Variants in AMDHD1 observed in about 807,000 individuals in gnomAD.
The protein encoded by AMDHD1 is probable imidazolonepropionase.
Under a neutral mutation model 44.1 loss-of-function variants are expected in AMDHD1, and 45 were observed. That is an observed-to-expected ratio of 1.02 (90% CI 0.80 to 1.31). AMDHD1 has a LOEUF of 1.31. Ranked by LOEUF, AMDHD1 falls within the 50% of genes most tolerant of loss-of-function variation. The pLI is 0.00. For synonymous variants in AMDHD1, 206 were observed against 205.0 expected (o/e 1.00, Z -0.04); for missense variants, 586 against 552.1 (o/e 1.06, Z -0.61).
chr12:95,958,757 TAAC>T (rs1014873814), intron 4 of AMDHD1, among the ~76,000 whole-genome samples: 3 of 152,166 alleles, frequency 2.0e-5, no homozygotes, highest in Admixed American at 2.0e-4. Context: ...TCTTGAGAAT[TAAC>T]AATAACTTGC....
In AMDHD1 at chr12:95,959,338, T is replaced by C. The variant is rs572456151; in HGVS notation, c.588-1060T>C. ...CCACCATGTGGTAGAGCTCTGTGTC[T>C]ACCAGACTCTAAAAGCCCAGGCTTT... On this transcript the variant is annotated intron_variant, in intron 4 of 8. Coordinates refer to ENST00000266736, the MANE Select transcript of AMDHD1 (RefSeq NM_152435.3). 5.3e-5 allele frequency among the ~76,000 whole-genome samples: 8 copies of C among 152,354 alleles called. No individual in the cohort carries two copies. The South Asian group carries it at 1.7e-3, about 32-fold the overall frequency.
intron 4 of AMDHD1, among the ~76,000 whole-genome samples, chr12:95,958,966 A>C (rs1592824650): frequency 2.6e-5 from 4 of 152,180 alleles, no homozygotes; most frequent in African/African-American, 9.7e-5. Flanking sequence ...GAGGCAAGAG[A>C]ATCACTTGAA....
Position 95,968,155 on chromosome 12 carries a change from G to T in AMDHD1, c.*312G>T. On this transcript the variant is annotated 3_prime_UTR_variant, in exon 9 of 9. Coordinates refer to ENST00000266736, the MANE Select transcript of AMDHD1 (RefSeq NM_152435.3). ...AAAAATGCCTTTGTGGGGAAAAGTAGGCTTGGCTTAAAATTTCCATTTTGT... is the reference window on the plus strand; with the variant it reads ...AAAAATGCCTTTGTGGGGAAAAGTATGCTTGGCTTAAAATTTCCATTTTGT... 1 of 188,236 alleles carries T rather than the reference G, an allele frequency of 5.3e-6. No homozygotes were observed. The highest frequency in any genetic ancestry group is 1.5e-4 in the East Asian group (1 of 6,492). The allele number at this position is 188,236 out of a possible 1,614,324, so 11.7% of individuals were successfully genotyped here.
At chr12:95,949,625 G>A (rs1433559203) in intron 1 of AMDHD1, among the ~76,000 whole-genome samples, 1 of 152,166 alleles carries the variant, frequency 6.6e-6, no homozygotes, top group Non-Finnish European at 1.5e-5. Context: ...CCAACATTTA[G>A]TGCTTCTGCT....
At chr12:95,958,311 C>T (rs2080563028) in intron 4 of AMDHD1, among the ~76,000 whole-genome samples, 2 of 151,816 alleles carry the variant, frequency 1.3e-5, no homozygotes, top group African/African-American at 4.8e-5. Flanking sequence ...TAAAAATTAA[C>T]TTCATGTTAT....
chr12:95,950,328 A>G (rs918437287), intron 1 of AMDHD1, among the ~76,000 whole-genome samples: 2 of 152,140 alleles, frequency 1.3e-5, no homozygotes, highest in Non-Finnish European at 2.9e-5. Context: ...TTTTCCTATC[A>G]TAACATCTTC....
At chr12:95,955,042 G>A in intron 3 of AMDHD1, 67 bp downstream of exon 3, 3 of 1,491,946 alleles carry the variant, frequency 2.0e-6, no homozygotes, top group Non-Finnish European at 2.8e-6. Context: ...TGAAGAGTTA[G>A]TAGGCTATCA....
intron 6 of AMDHD1, among the ~76,000 whole-genome samples, 168 bp downstream of exon 6, chr12:95,962,647 G>A (rs2080588793): frequency 6.6e-6 from 1 of 152,202 alleles, no homozygotes; most frequent in South Asian, 2.1e-4. Context: ...GTTCGTAAAC[G>A]AATTTCTCTG....
chr12:95,965,665 ATATTTTT>A lies in AMDHD1; in HGVS notation c.939-19_939-13del, dbSNP rs751836525. 5 of 1,567,680 alleles carry A rather than the reference ATATTTTT, an allele frequency of 3.2e-6. No individual in the cohort carries two copies. In the South Asian group the frequency reaches 5.7e-5, roughly 18 times the overall value. ...AAAAGCTCCCATTCTAGAGACTGACATATTTTTTTCCTCCCCTTAGACTGAAACAACC... is the reference window on the plus strand; with the variant it reads ...AAAAGCTCCCATTCTAGAGACTGACATTCCTCCCCTTAGACTGAAACAACC... On this transcript the variant is annotated splice_polypyrimidine_tract_variant and intron_variant, in intron 6 of 8. Coordinates refer to ENST00000266736, the MANE Select transcript of AMDHD1 (RefSeq NM_152435.3).
At chr12:95,962,157 T>C (rs1042611586) in intron 5 of AMDHD1, among the ~76,000 whole-genome samples, 198 bp from the exon 6 acceptor site, 1 of 152,160 alleles carries the variant, frequency 6.6e-6, no homozygotes, top group African/African-American at 2.4e-5. Context: ...CCCTAGCTGC[T>C]CGGGAGGCTG....
chr12:95,964,367 T>A (rs569162643), intron 6 of AMDHD1, among the ~76,000 whole-genome samples: 1 of 152,358 alleles, frequency 6.6e-6, no homozygotes, highest in South Asian at 2.1e-4. Flanking sequence ...TGCCTTATGC[T>A]ACTTAAGGGC....
At chr12:95,965,610 G>A in intron 6 of AMDHD1, 76 bp from the exon 7 acceptor site, 1 of 913,422 alleles carries the variant, frequency 1.1e-6, no homozygotes, top group Non-Finnish European at 1.7e-6. Context: ...ACTGTCTCAA[G>A]TTCTCTTCTG....
chr12:95,948,561 G>A (rs1356446509), intron 1 of AMDHD1, among the ~76,000 whole-genome samples: 1 of 84,194 alleles, frequency 1.2e-5, no homozygotes, highest in Non-Finnish European at 2.4e-5. Context: ...AGCCCCCACC[G>A]CCCAGCCAGC....
chr12:95,966,358 T>G lies in AMDHD1; in HGVS notation c.1043T>G (p.Met348Arg), dbSNP rs372012329. Residue 348 changes from methionine (M) to arginine (R), a missense_variant, in exon 8 of 9, where the codon ATG becomes AGG. Coordinates refer to ENST00000266736, the MANE Select transcript of AMDHD1 (RefSeq NM_152435.3). ...CTCTTCCTGCCTTAGCCAATGGTCA[T>G]GCATCTGGCCTGTGTAAACATGAGA... ...NAYCFSMPMV[M>R]HLACVNMRMS... 3 of 1,614,052 alleles carry G rather than the reference T, an allele frequency of 1.9e-6. No homozygotes were observed. The highest frequency in any genetic ancestry group is 2.5e-6 in the Non-Finnish European group (3 of 1,180,042).
intron 1 of AMDHD1, among the ~76,000 whole-genome samples, chr12:95,946,061 C>CTGTG (rs56658923): frequency 0.026 from 3,163 of 122,540 alleles, 71 homozygotes; most frequent in African/African-American, 0.062. Flanking sequence ...CTCTTTCTCT[C>CTGTG]TGTGTGTGTG....
chr12:95,966,534 T>C (rs996899462), intron 8 of AMDHD1, 26 bp downstream of exon 8: 8 of 1,613,426 alleles, frequency 5.0e-6, no homozygotes, highest in Non-Finnish European at 6.8e-6. Flanking sequence ...CTTAGCTCTT[T>C]TATATTATGC....
At chr12:95,949,537 C>T (rs1489483390) in intron 1 of AMDHD1, among the ~76,000 whole-genome samples, 3 of 152,114 alleles carry the variant, frequency 2.0e-5, no homozygotes, top group Admixed American at 6.6e-5. Context: ...ATGTGATATA[C>T]GTTCATTGTA....
At chr12:95,963,857 T>A (rs4762257) in intron 6 of AMDHD1, among the ~76,000 whole-genome samples, 1 of 151,706 alleles carries the variant, frequency 6.6e-6, no homozygotes, top group Non-Finnish European at 1.5e-5. Context: ...ATGGTTGAAC[T>A]CCGTCTCTAT....
intron 2 of AMDHD1, among the ~76,000 whole-genome samples, chr12:95,954,549 C>A (rs2080540508): frequency 7.0e-6 from 1 of 143,220 alleles, no homozygotes; most frequent in Non-Finnish European, 1.5e-5. Flanking sequence ...GCCTGGGCGA[C>A]AGAGTGAGAA....
Sources: gnomAD v4.1 joint callset for allele counts (sites outside exome capture counted in the v4.1 genomes callset) on GRCh38, gnomAD v4.1.1 for gene constraint, MANE v1.5 for transcripts, NCBI Gene and HGNC (gene_info 2026-07-23, HGNC 2026-07-21) for gene names.